Variants in IP6K1 observed in about 807,000 individuals in gnomAD.
IP6K1 encodes the protein inositol hexakisphosphate kinase 1, also known as ATP:1D-myo-inositol-hexakisphosphate phosphotransferase.
IP6K1 carries 13 observed loss-of-function variants against 38.3 expected under a neutral mutation model. The observed-to-expected ratio is 0.34, with a 90% CI of 0.22 to 0.54. The LOEUF is 0.54. Ranked by LOEUF, IP6K1 falls within the 20% of genes least tolerant of loss-of-function variation. IP6K1 has a pLI of 0.92. For synonymous variants in IP6K1, 212 were observed against 229.9 expected, an observed-to-expected ratio of 0.92 and a Z score of 0.70; for missense variants, 397 against 599.8, an observed-to-expected ratio of 0.66 and a Z score of 3.53.
At chr3:49,754,298 C>A (rs1022991159) in intron 1 of IP6K1, among the ~76,000 whole-genome samples, 1 of 151,912 alleles carries the variant, frequency 6.6e-6, no homozygotes, top group Non-Finnish European at 1.5e-5. Flanking sequence ...ATGGCTTGAG[C>A]CCAGGAGGTG....
At chr3:49,772,611 C>G (rs2080970065) in intron 1 of IP6K1, among the ~76,000 whole-genome samples, 1 of 151,956 alleles carries the variant, frequency 6.6e-6, no homozygotes, top group Non-Finnish European at 1.5e-5. Flanking sequence ...CCATGTTGCC[C>G]AGGCTGGTCT....
At chr3:49,778,924 C>A (rs546559229) in intron 1 of IP6K1, among the ~76,000 whole-genome samples, 1 of 152,082 alleles carries the variant, frequency 6.6e-6, no homozygotes, top group Non-Finnish European at 1.5e-5. Context: ...CATGTCCAGC[C>A]AATACGTTTT....
intron 1 of IP6K1, among the ~76,000 whole-genome samples, chr3:49,769,647 C>A (rs773158548): frequency 5.3e-5 from 8 of 152,138 alleles, no homozygotes; most frequent in Non-Finnish European, 8.8e-5. Flanking sequence ...ACAGGCTAGA[C>A]TTAGGGACTC....
At chr3:49,733,009 A>C (rs1402056151) in intron 3 of IP6K1, 37 bp from the exon 4 acceptor site, 6 of 1,543,402 alleles carry the variant, frequency 3.9e-6, no homozygotes, top group Non-Finnish European at 5.3e-6. Context: ...TAAGAAACTC[A>C]GGCAAGTCAT....
At position 49,727,569 on chromosome 3, in the gene IP6K1, G is replaced by A. The variant is rs1208738286; in HGVS notation, c.879C>T (p.Leu293=). The A allele has an allele frequency of 1.2e-6, 2 of 1,614,068 alleles. No homozygotes were observed. The highest frequency in any genetic ancestry group is 1.7e-5 in the Admixed American group (1 of 59,994). Reference sequence around the variant, plus strand: ...CCAGGCCATTGTGCAGATATTGATAGAGGGCATTGCGGAAGCCTTCAATGG... The same window carrying A: ...CCAGGCCATTGTGCAGATATTGATAAAGGGCATTGCGGAAGCCTTCAATGG... ...GLSIEGFRNA[L]YQYLHNGLDL... Residue 293 remains leucine, a synonymous_variant, in exon 6 of 6, where the codon CTC becomes CTT. Transcript: ENST00000321599. This position sits in a 1 kb window ranked among gnomAD's most constrained non-coding sequence, Gnocchi z 5.9.
chr3:49,769,614 G>A (rs2080941109), intron 1 of IP6K1, among the ~76,000 whole-genome samples: 2 of 152,164 alleles, frequency 1.3e-5, no homozygotes, highest in Admixed American at 1.3e-4. Flanking sequence ...TCTAAAAAGT[G>A]AAATCCTCCT....
chr3:49,744,146 T>TACA (rs1228135857), intron 2 of IP6K1, among the ~76,000 whole-genome samples: 1 of 151,300 alleles, frequency 6.6e-6, no homozygotes, highest in Non-Finnish European at 1.5e-5. Context: ...CTCACTCCTG[T>TACA]AATCCCAGCA....
chr3:49,750,130 TAA>T lies in IP6K1; in HGVS notation c.-128-1964_-128-1963del, dbSNP rs1683519177. On this transcript the variant is annotated intron_variant, in intron 1 of 5. Transcript: ENST00000321599. Reference sequence around the variant, plus strand: ...CAGTTTCCACCACGTAGTAAATACTTAAAAATAGAGTTGCTGGATTGTGGAGG... The same window carrying T: ...CAGTTTCCACCACGTAGTAAATACTTAAATAGAGTTGCTGGATTGTGGAGG... Among the ~76,000 whole-genome samples, 4 of 152,176 alleles carry T rather than the reference TAA, an allele frequency of 2.6e-5. No homozygotes were observed. In the South Asian group the frequency reaches 8.3e-4, roughly 32 times the overall value.
chr3:49,773,666 T>C (rs1005066961), intron 1 of IP6K1, among the ~76,000 whole-genome samples: 1 of 152,116 alleles, frequency 6.6e-6, no homozygotes, highest in Admixed American at 6.5e-5. Flanking sequence ...TAATACATCT[T>C]CCCAAATAGA....
intron 2 of IP6K1, among the ~76,000 whole-genome samples, chr3:49,744,993 G>C (rs2080707970): frequency 6.6e-6 from 1 of 151,934 alleles, no homozygotes; most frequent in Admixed American, 6.6e-5. Flanking sequence ...GAAGTTCAAG[G>C]CTTCTGTACA....
At chr3:49,756,904 A>G (rs1275328073) in intron 1 of IP6K1, among the ~76,000 whole-genome samples, 1 of 107,934 alleles carries the variant, frequency 9.3e-6, no homozygotes, top group African/African-American at 3.0e-5. Flanking sequence ...TTATGCTTTA[A>G]TAAGAAGCCA....
chr3:49,771,961 C>T (rs976860019), intron 1 of IP6K1, among the ~76,000 whole-genome samples: 1 of 152,066 alleles, frequency 6.6e-6, no homozygotes, highest in African/African-American at 2.4e-5. Context: ...CACCTGTAAT[C>T]CCAACACTTT....
chr3:49,783,422 T>C (rs1023472803), intron 1 of IP6K1, among the ~76,000 whole-genome samples: 2 of 150,960 alleles, frequency 1.3e-5, no homozygotes, highest in African/African-American at 4.9e-5. Context: ...TTTGAAAAGC[T>C]AATATTTTTG....
intron 1 of IP6K1, among the ~76,000 whole-genome samples, chr3:49,757,593 G>T (rs550697418): frequency 6.6e-6 from 1 of 152,228 alleles, no homozygotes; most frequent in Admixed American, 6.5e-5. Context: ...GGTGGCTCAT[G>T]CCTATAGTCC....
Position 49,727,699 on chromosome 3 carries a change from G to A in IP6K1, c.793-44C>T, listed in dbSNP as rs2080521966. ...GACAGGGTGAGTGCCAGGGAAGTCT[G>A]AAGAGCTCACAGTGCCCTGGGCAAA... On this transcript the variant is annotated intron_variant, in intron 5 of 5. Coordinates refer to ENST00000321599, the MANE Select transcript of IP6K1 (RefSeq NM_153273.4). This position sits in a 1 kb window ranked among gnomAD's most constrained non-coding sequence, Gnocchi z 5.9. 6.3e-7 allele frequency: 1 copy of A among 1,584,568 alleles called. No homozygotes were observed. Among genetic ancestry groups the A allele is most frequent in the Non-Finnish European group, 8.6e-7 (1 of 1,162,032 alleles).
chr3:49,774,183 A>T (rs74713168), intron 1 of IP6K1, among the ~76,000 whole-genome samples: 1 of 152,094 alleles, frequency 6.6e-6, no homozygotes, highest in Admixed American at 6.6e-5. Flanking sequence ...AGGCAGGCGG[A>T]TCATGAGGTT....
intron 1 of IP6K1, among the ~76,000 whole-genome samples, chr3:49,771,798 T>C (rs1209701276): frequency 6.6e-6 from 1 of 152,150 alleles, no homozygotes; most frequent in East Asian, 1.9e-4. Context: ...CCCAAATATC[T>C]ATCAACAGAA....
At chr3:49,751,227 C>G (rs1289688601) in intron 1 of IP6K1, among the ~76,000 whole-genome samples, 1 of 152,090 alleles carries the variant, frequency 6.6e-6, no homozygotes, top group Non-Finnish European at 1.5e-5. Flanking sequence ...GCGATCTCGG[C>G]TCACTGCAAC....
intron 1 of IP6K1, among the ~76,000 whole-genome samples, chr3:49,785,227 G>A (rs1306545460): frequency 1.3e-5 from 2 of 151,992 alleles, no homozygotes; most frequent in Non-Finnish European, 2.9e-5. Context: ...GTTAATTTGC[G>A]CCGGGCATAG....
Sources: allele counts gnomAD v4.1 joint callset (sites outside exome capture counted in the v4.1 genomes callset), GRCh38; gene constraint gnomAD v4.1.1; non-coding constraint Gnocchi (gnomAD v3.1); transcripts MANE v1.5; gene names NCBI Gene and HGNC (gene_info 2026-07-23, HGNC 2026-07-21).